Variants in FBXO36 observed in about 807,000 individuals in gnomAD.
The protein encoded by FBXO36 is F-box only protein 36.
FBXO36 carries 18 observed loss-of-function variants against 17.0 expected under a neutral mutation model. The observed-to-expected ratio is 1.06, with a 90% CI of 0.73 to 1.57. The LOEUF (loss-of-function observed/expected upper bound fraction) is 1.57, where lower values mean the gene tolerates loss of function less well. Among genes scored for constraint, FBXO36 ranks in the 40% most tolerant of loss-of-function variants. FBXO36 has a pLI of 0.00. For synonymous variants in FBXO36, 83 were observed against 85.3 expected (o/e 0.97, Z 0.15); for missense variants, 229 against 221.9 (o/e 1.03, Z -0.20).
At chr2:229,957,811 C>G (rs1284778917) in intron 1 of FBXO36, among the ~76,000 whole-genome samples, 3 of 152,176 alleles carry the variant, frequency 2.0e-5, no homozygotes, top group African/African-American at 7.2e-5. Flanking sequence ...TTCCCTCATT[C>G]CCCGCCAGGA....
chr2:229,951,937 T>C (rs13405392), intron 1 of FBXO36, among the ~76,000 whole-genome samples: 2,537 of 152,260 alleles, frequency 0.017, 67 homozygotes, highest in African/African-American at 0.058. Flanking sequence ...TCATAAATAT[T>C]GACACGAAAG....
At chr2:230,003,450 C>T (rs1200474040) in intron 3 of FBXO36, among the ~76,000 whole-genome samples, 1 of 152,012 alleles carries the variant, frequency 6.6e-6, no homozygotes, top group African/African-American at 2.4e-5. Context: ...ATTTTCCCCT[C>T]GGTCCATGCC....
intron 1 of FBXO36, among the ~76,000 whole-genome samples, chr2:229,947,319 G>T (rs570740058): frequency 6.6e-6 from 1 of 152,314 alleles, no homozygotes; most frequent in East Asian, 1.9e-4. Context: ...TAGGGAGCTG[G>T]AATAATTCTA....
intron 1 of FBXO36, among the ~76,000 whole-genome samples, chr2:229,940,294 TGGTAACACCA>T (rs1422323622): frequency 2.6e-5 from 4 of 152,242 alleles, no homozygotes; most frequent in Non-Finnish European, 4.4e-5. Context: ...GGAGGGTGGT[TGGTAACACCA>T]AGACTACTTT....
At chr2:229,934,325 C>T (rs1273399953) in intron 1 of FBXO36, among the ~76,000 whole-genome samples, 4 of 152,054 alleles carry the variant, frequency 2.6e-5, no homozygotes, top group Non-Finnish European at 4.4e-5. Context: ...GGCATGAACC[C>T]GGGAGGCGGA....
intron 2 of FBXO36, 51 bp downstream of exon 2, chr2:229,976,400 G>T: frequency 7.9e-7 from 1 of 1,262,670 alleles, no homozygotes; most frequent in Non-Finnish European, 1.2e-6. Context: ...ATTAGTTAGT[G>T]GTAGATTTTG....
Position 229,994,225 on chromosome 2 carries a change from G to A in FBXO36, c.206-2526G>A, listed in dbSNP as rs138755076. On this transcript the variant is annotated intron_variant, in intron 2 of 3. Transcript: ENST00000283946. ...AAGCACTGCTTTTTCTTCTTCTTCT[G>A]CTGGTGGGCAGAGGATCTTCACAAT... 5.1e-3 allele frequency among the ~76,000 whole-genome samples: 778 copies of A among 152,096 alleles called. 5 individuals carry two copies. The highest frequency in any genetic ancestry group is 0.018 in the African/African-American group (726 of 41,472).
chr2:229,922,505 C>A lies in FBXO36; in HGVS notation c.-9C>A. ...CTGGTTGTCTTAGCGACGGCGGTGG[C>A]GTCCCAAGATGGCGTCGTGGCTGCC... is the stretch of plus-strand genomic sequence containing the variant. On this transcript the variant is annotated 5_prime_UTR_variant, in exon 1 of 4. Transcript: ENST00000283946. 1 of 1,613,852 alleles carries A rather than the reference C, an allele frequency of 6.2e-7. No individual in the cohort carries two copies. Among genetic ancestry groups the A allele is most frequent in the Non-Finnish European group, 8.5e-7 (1 of 1,179,860 alleles).
At chr2:229,995,085 G>A (rs773064937) in intron 2 of FBXO36, among the ~76,000 whole-genome samples, 2 of 152,084 alleles carry the variant, frequency 1.3e-5, no homozygotes, top group Admixed American at 6.6e-5. Flanking sequence ...CTGCACTCCA[G>A]CCTGGGTGAC....
chr2:229,967,974 C>T (rs1198064242), intron 1 of FBXO36, among the ~76,000 whole-genome samples: 1 of 152,050 alleles, frequency 6.6e-6, no homozygotes, highest in East Asian at 1.9e-4. Context: ...CCTTGTACCT[C>T]TGGTAGAATT....
chr2:230,008,108 C>T (rs1164376917), intron 3 of FBXO36, among the ~76,000 whole-genome samples: 12 of 152,118 alleles, frequency 7.9e-5, no homozygotes, highest in Non-Finnish European at 1.0e-4. Context: ...TGGAAGCTTG[C>T]GGGAGGAGAT....
intron 1 of FBXO36, among the ~76,000 whole-genome samples, chr2:229,938,483 C>CTTTTT (rs111952762): frequency 1.1e-5 from 1 of 93,970 alleles, no homozygotes; most frequent in Non-Finnish European, 2.3e-5. Flanking sequence ...ATACAACTTT[C>CTTTTT]TTTTTTTTTT....
chr2:229,963,024 G>T (rs944928151), intron 1 of FBXO36, among the ~76,000 whole-genome samples: 3 of 151,488 alleles, frequency 2.0e-5, no homozygotes, highest in Non-Finnish European at 4.4e-5. Flanking sequence ...TCCTTTGTGA[G>T]GTTATGTCAA....
chr2:229,932,924 G>T, intron 1 of FBXO36: 1 of 301,122 alleles, frequency 3.3e-6, no homozygotes, highest in South Asian at 2.6e-5. Flanking sequence ...AAAATTAGCC[G>T]GGCGTGGTGA....
chr2:229,993,922 A>ATT (rs897768547), intron 2 of FBXO36, among the ~76,000 whole-genome samples: 1 of 145,788 alleles, frequency 6.9e-6, no homozygotes. Context: ...CGCCCGGCTA[A>ATT]TTTTTTTTTT....
rs902435224 is a variant in FBXO36, at chr2:230,010,875, G to A, written c.558G>A (p.Lys186=). 6.2e-7 allele frequency: 1 copy of A among 1,608,076 alleles called. No individual in the cohort carries two copies. The highest frequency in any genetic ancestry group is 2.2e-5 in the East Asian group (1 of 44,658). Residue 186 remains lysine, a synonymous_variant, in exon 4 of 4, where the codon AAG becomes AAA. Coordinates refer to ENST00000283946, the MANE Select transcript of FBXO36 (RefSeq NM_174899.5). ...AAAAATATGGAAACCTGAGAGAAAA[G>A]CAACCTTAGGCACACATTTTCCTAC... ...RKQKYGNLRE[K]QP
At chr2:229,948,146 A>G (rs2077037180) in intron 1 of FBXO36, among the ~76,000 whole-genome samples, 1 of 152,216 alleles carries the variant, frequency 6.6e-6, no homozygotes, top group East Asian at 1.9e-4. Context: ...AAAAAAAAAA[A>G]AATTATGTTT....
chr2:229,967,173 CTGTT>C (rs1373947373), intron 1 of FBXO36, among the ~76,000 whole-genome samples: 4 of 152,184 alleles, frequency 2.6e-5, no homozygotes, highest in Admixed American at 6.5e-5. Context: ...GTTTGGCTCT[CTGTT>C]TGTCTGTTAT....
At chr2:230,001,043 G>T (rs1471033681) in intron 3 of FBXO36, among the ~76,000 whole-genome samples, 2 of 151,660 alleles carry the variant, frequency 1.3e-5, no homozygotes, top group Non-Finnish European at 2.9e-5. Flanking sequence ...ATTTTCAGTA[G>T]AGACTGGGTT....
Sources: gnomAD v4.1 joint callset for allele counts (sites outside exome capture counted in the v4.1 genomes callset) on GRCh38, gnomAD v4.1.1 for gene constraint, MANE v1.5 for transcripts, NCBI Gene and HGNC (gene_info 2026-07-23, HGNC 2026-07-21) for gene names.